The following EPB41 variants were observed in gnomAD, a reference collection of about 807,000 sequenced individuals.
EPB41 encodes the protein erythrocyte membrane protein band 4.1.
EPB41 carries 65 observed loss-of-function variants against 108.0 expected under a neutral mutation model. The observed-to-expected ratio is 0.60, with a 90% CI of 0.49 to 0.74. EPB41 has a LOEUF of 0.74. EPB41 is among the 30% of genes least tolerant of loss of function. EPB41 has a pLI of 0.00. For synonymous variants in EPB41, 336 were observed against 358.9 expected (o/e 0.94, Z 0.72); for missense variants, 875 against 1,037.0 (o/e 0.84, Z 2.15).
chr1:28,899,229 A>T (rs1295701072), intron 1 of EPB41, among the ~76,000 whole-genome samples: 1 of 152,194 alleles, frequency 6.6e-6, no homozygotes, highest in Non-Finnish European at 1.5e-5. Flanking sequence ...TTTACCATAA[A>T]GATCGGCAAT....
At chr1:28,963,867 C>T (rs1331830428) in intron 1 of EPB41, among the ~76,000 whole-genome samples, 2 of 152,160 alleles carry the variant, frequency 1.3e-5, no homozygotes, top group African/African-American at 4.8e-5. Context: ...CCCATAGACG[C>T]GTCAACTTTT....
At position 29,039,279 on chromosome 1, in the gene EPB41, A is replaced by G; in HGVS notation, c.1489A>G (p.Lys497Glu). 6.2e-7 allele frequency: 1 copy of G among 1,614,160 alleles called. No homozygotes were observed. The highest frequency in any genetic ancestry group is 8.5e-7 in the Non-Finnish European group (1 of 1,180,016). The part of the protein sequence containing the change: ...FRLTSTDTIP[K>E]SKFLALGSKF... ...ATTGACATCTACAGACACCATTCCC[A>G]AAAGCAAATTTCTTGCGCTAGGATC... The change falls in exon 11 of 21, where the codon AAA becomes GAA. Residue 497 changes from lysine to glutamate, a missense_variant. Physicochemically the swap from Lys to Glu is moderately conservative, Grantham distance 56. Transcript: ENST00000343067.
At chr1:29,109,139 A>C (rs534275049) in intron 17 of EPB41, among the ~76,000 whole-genome samples, 197 bp from the exon 18 acceptor site, 8 of 151,964 alleles carry the variant, frequency 5.3e-5, no homozygotes, top group Non-Finnish European at 8.8e-5. Context: ...CGGAGGTTGC[A>C]GTGAGCTGAG....
At chr1:29,058,047 T>C (rs1313057885) in intron 12 of EPB41, among the ~76,000 whole-genome samples, 1 of 152,230 alleles carries the variant, frequency 6.6e-6, no homozygotes, top group African/African-American at 2.4e-5. Flanking sequence ...TCTTTAAGTA[T>C]ATTGTTCAAC....
intron 1 of EPB41, chr1:28,982,163 C>T (rs549028987): frequency 5.7e-5 from 18 of 314,340 alleles, no homozygotes; most frequent in African/African-American, 3.5e-4. Context: ...TTTGTCCTTG[C>T]GATAGTTTGC....
chr1:29,066,818 C>T (rs943582373), intron 16 of EPB41, among the ~76,000 whole-genome samples: 6 of 151,796 alleles, frequency 4.0e-5, no homozygotes, highest in South Asian at 2.1e-4. Flanking sequence ...AGATTACAGG[C>T]GCCTGCCGCC....
In EPB41 at chr1:29,011,916, A is replaced by T; in HGVS notation, c.829+9A>T. On this transcript the variant is annotated intron_variant, in intron 5 of 20. Coordinates refer to ENST00000343067, the MANE Select transcript of EPB41 (RefSeq NM_001376013.1). ...AAAAAAGCAGGTTCGTGGTAAGTGGATATAGCTCTTTTTATAGTTCTTTCT... is the reference window on the plus strand; with the variant it reads ...AAAAAAGCAGGTTCGTGGTAAGTGGTTATAGCTCTTTTTATAGTTCTTTCT... 1.2e-6 allele frequency: 2 copies of T among 1,613,940 alleles called. No homozygotes were observed. Among genetic ancestry groups the T allele is most frequent in the Non-Finnish European group, 1.7e-6 (2 of 1,179,908 alleles).
At chr1:29,019,972 C>T (rs1235245777) in intron 7 of EPB41, among the ~76,000 whole-genome samples, 1 of 152,162 alleles carries the variant, frequency 6.6e-6, no homozygotes, top group African/African-American at 2.4e-5. Context: ...TATTCCAGTA[C>T]CAATGTCTGG....
intron 15 of EPB41, among the ~76,000 whole-genome samples, chr1:29,064,068 A>G (rs1259237664): frequency 2.0e-5 from 3 of 152,148 alleles, no homozygotes; most frequent in Non-Finnish European, 4.4e-5. Context: ...TACCTACTAT[A>G]TACCCACAAA....
intron 9 of EPB41, among the ~76,000 whole-genome samples, 156 bp from the exon 10 acceptor site, chr1:29,035,670 G>A (rs1639170620): frequency 1.3e-5 from 2 of 151,774 alleles, no homozygotes. Flanking sequence ...ATTTCTTTCA[G>A]TAAGTAGGAA....
At chr1:29,029,945 T>G (rs1247912295) in intron 7 of EPB41, among the ~76,000 whole-genome samples, 1 of 152,166 alleles carries the variant, frequency 6.6e-6, no homozygotes, top group African/African-American at 2.4e-5. Context: ...ATAACTCAAT[T>G]CAGGGGTATG....
In EPB41 at chr1:28,921,938, T is replaced by TTATATATATA. The variant is rs66808636; in HGVS notation, c.-8+7185_-8+7194dup. 3.3e-3 allele frequency among the ~76,000 whole-genome samples: 343 copies of TTATATATATA among 102,626 alleles called. 8 individuals are homozygous for TTATATATATA. The highest frequency in any genetic ancestry group is 0.011 in the African/African-American group (239 of 22,018). The allele number at this position is 102,626 out of a possible 152,430, so 67.3% of individuals were successfully genotyped here. Reference sequence around the variant, plus strand: ...TAAATAGTATTTTATTTATGAAATTTTATATATATATATATATATATATAC... The same window carrying TTATATATATA: ...TAAATAGTATTTTATTTATGAAATTTTATATATATATATATATATATATATATATATATAC... On this transcript the variant is annotated intron_variant, in intron 1 of 20. Coordinates refer to ENST00000343067, the MANE Select transcript of EPB41 (RefSeq NM_001376013.1).
rs1553224685 is a variant in EPB41 at position 28,994,633 on chromosome 1, T to TTTTTTTTATTTA, written c.681+1094_681+1095insTTTTATTTATTT. On this transcript the variant is annotated intron_variant, in intron 3 of 20. Coordinates refer to ENST00000343067, the MANE Select transcript of EPB41 (RefSeq NM_001376013.1). ...ATTCACATATATGTGGAACAAACTA[T>TTTTTTTTATTTA]TTTATTTATTTATTTATTTATTTAT... is the stretch of plus-strand genomic sequence containing the variant. Among the ~76,000 whole-genome samples, 668 of 139,850 alleles carry TTTTTTTTATTTA rather than the reference T, an allele frequency of 4.8e-3. 9 individuals are homozygous for TTTTTTTTATTTA. Among genetic ancestry groups the TTTTTTTTATTTA allele is most frequent in the African/African-American group, 0.017 (628 of 37,700 alleles). The allele number at this position is 139,850 out of a possible 152,430, so 91.7% of individuals were successfully genotyped here.
chr1:28,941,469 G>A (rs1176267694), intron 1 of EPB41, among the ~76,000 whole-genome samples: 1 of 152,136 alleles, frequency 6.6e-6, no homozygotes, highest in Non-Finnish European at 1.5e-5. Flanking sequence ...AGTATCCTTC[G>A]GAAGAAGAAA....
chr1:28,915,468 G>A (rs2092563514), intron 1 of EPB41, among the ~76,000 whole-genome samples: 1 of 152,072 alleles, frequency 6.6e-6, no homozygotes, highest in Non-Finnish European at 1.5e-5. Flanking sequence ...AGATTGACCA[G>A]CAGGCCATTA....
At chr1:29,036,715 C>T (rs1389590494) in intron 10 of EPB41, among the ~76,000 whole-genome samples, 1 of 140,188 alleles carries the variant, frequency 7.1e-6, no homozygotes, top group Non-Finnish European at 1.5e-5. Context: ...CTCGCTCTGT[C>T]GCCCAGGCTG....
At chr1:28,977,872 CTATT>C (rs767765371) in intron 1 of EPB41, among the ~76,000 whole-genome samples, 20 of 150,486 alleles carry the variant, frequency 1.3e-4, no homozygotes, top group Non-Finnish European at 1.6e-4. Context: ...TTTCTTTTTG[CTATT>C]TATTTATTTG....
intron 16 of EPB41, among the ~76,000 whole-genome samples, chr1:29,087,763 A>T (rs537976854): frequency 6.6e-6 from 1 of 152,356 alleles, no homozygotes; most frequent in East Asian, 1.9e-4. Context: ...ATTCTGAGAC[A>T]TAATCCCTTT....
chr1:28,925,449 TG>T (rs1179704721), intron 1 of EPB41, among the ~76,000 whole-genome samples: 1 of 152,022 alleles, frequency 6.6e-6, no homozygotes, highest in African/African-American at 2.4e-5. Flanking sequence ...AAATAATAAA[TG>T]TATAAATCAG....
Sources: allele counts gnomAD v4.1 joint callset (sites outside exome capture counted in the v4.1 genomes callset), GRCh38; gene constraint gnomAD v4.1.1; transcripts MANE v1.5; gene names NCBI Gene and HGNC (gene_info 2026-07-23, HGNC 2026-07-21).